The following STK11 variants were observed in gnomAD, a reference collection of about 807,000 sequenced individuals.
The protein encoded by STK11 is serine/threonine-protein kinase STK11.
STK11 carries 8 observed loss-of-function variants against 47.3 expected under a neutral mutation model. That is an observed-to-expected ratio of 0.17 (90% CI 0.10 to 0.31). The LOEUF is 0.31. Among genes scored for constraint, STK11 ranks in the 10% least tolerant of loss-of-function variants. The pLI, the probability that STK11 is intolerant of heterozygous loss-of-function variation, is 1.00. For synonymous variants in STK11, 330 were observed against 255.8 expected (o/e 1.29, Z -2.77); for missense variants, 475 against 605.0 (o/e 0.79, Z 2.25).
chr19:1,211,756 C>T (rs2080712273), intron 1 of STK11, among the ~76,000 whole-genome samples: 2 of 152,260 alleles, frequency 1.3e-5, no homozygotes, highest in South Asian at 4.1e-4. Context: ...CCATCCGCAC[C>T]GCCCCCGCGG....
At chr19:1,207,276 C>G (rs1010993057) in intron 1 of STK11, 73 bp downstream of exon 1, 3 of 1,505,364 alleles carry the variant, frequency 2.0e-6, no homozygotes, top group Non-Finnish European at 2.7e-6. Flanking sequence ...TTCCTTCCTT[C>G]TCTCCTCCCT....
intron 6 of STK11, 70 bp downstream of exon 6, chr19:1,221,410 G>A (rs1374821361): frequency 1.3e-6 from 2 of 1,496,394 alleles, no homozygotes; most frequent in South Asian, 2.6e-5. Flanking sequence ...TAGGGTTGGG[G>A]GTGTCAGGTG....
In STK11 at chr19:1,206,891, G is replaced by A. The variant is rs769292575; in HGVS notation, c.-23G>A. The stretch of plus-strand genomic sequence containing the variant: ...CCCGCGGACTCAGGGCTGGCGGCGG[G>A]ACTCCAGGACCCTGGGTCCAGCATG... On this transcript the variant is annotated 5_prime_UTR_variant, in exon 1 of 10. Transcript: ENST00000326873. 18 of 1,544,554 alleles carry A rather than the reference G, an allele frequency of 1.2e-5. No individual in the cohort carries two copies.
intron 1 of STK11, 70 bp from the exon 2 acceptor site, chr19:1,218,347 C>T (rs1003177266): frequency 3.5e-5 from 46 of 1,317,544 alleles, no homozygotes; most frequent in East Asian, 3.2e-4. Context: ...ATGGGGAGGC[C>T]GACTCCAGGG....
At position 1,222,006 on chromosome 19, in the gene STK11, G is replaced by T. The variant is rs1248289980; in HGVS notation, c.920G>T (p.Ser307Ile). 6.4e-7 allele frequency: 1 copy of T among 1,569,844 alleles called. No individual in the cohort carries two copies. The highest frequency in any genetic ancestry group is 1.2e-5 in the South Asian group (1 of 85,458). The change falls in exon 7 of 10, where the codon AGC (serine) becomes ATC (isoleucine). Residue 307 changes from serine to isoleucine, a missense_variant and splice_region_variant. Around this residue, in one of 5 missense-constraint regions of STK11, gnomAD observed 219 missense variants for 189.2 expected, o/e 1.16. Transcript: ENST00000326873. ...RFSIRQIRQH[S>I]WFRKKHPPAE... Reference sequence around the variant, plus strand: ...TCCATCCGGCAGATCCGGCAGCACAGGTGAGCGGCCCCTGGGGGCAGTGGG... The same window carrying T: ...TCCATCCGGCAGATCCGGCAGCACATGTGAGCGGCCCCTGGGGGCAGTGGG...
chr19:1,218,122 G>A (rs1413394452), intron 1 of STK11, among the ~76,000 whole-genome samples: 2 of 151,872 alleles, frequency 1.3e-5, no homozygotes, highest in African/African-American at 4.8e-5. Context: ...CCAGCCTAGG[G>A]ACAGAGCAAG....
At chr19:1,217,488 G>C (rs187796227) in intron 1 of STK11, among the ~76,000 whole-genome samples, 3 of 152,220 alleles carry the variant, frequency 2.0e-5, no homozygotes, top group African/African-American at 7.2e-5. Flanking sequence ...AAGTGTCTGC[G>C]ACAGGGCGGC....
chr19:1,213,126 A>G (rs2080723163), intron 1 of STK11, among the ~76,000 whole-genome samples: 1 of 149,134 alleles, frequency 6.7e-6, no homozygotes, highest in South Asian at 2.1e-4. Flanking sequence ...CCTCCCGAAT[A>G]GCTGGGACTA....
Position 1,206,940 on chromosome 19 carries a change from G to C in STK11, c.27G>C (p.Leu9=), listed in dbSNP as rs876659432. 4 of 1,599,882 alleles carry C rather than the reference G, an allele frequency of 2.5e-6. No individual in the cohort carries two copies. In the African/African-American group the frequency reaches 5.4e-5, roughly 21 times the overall value. Residue 9 remains leucine, a synonymous_variant, in exon 1 of 10, where the codon CTG becomes CTC. Transcript: ENST00000326873. The part of the protein sequence containing the change: MEVVDPQQ[L]GMFTEGELMS... ...TGGAGGTGGTGGACCCGCAGCAGCT[G>C]GGCATGTTCACGGAGGGCGAGCTGA...
At chr19:1,215,344 A>G (rs1267113231) in intron 1 of STK11, among the ~76,000 whole-genome samples, 4 of 152,222 alleles carry the variant, frequency 2.6e-5, no homozygotes, top group African/African-American at 7.2e-5. Flanking sequence ...CGAGCAGACC[A>G]GGCCTGCGGT....
In STK11 at chr19:1,207,214, C is replaced by T. The variant is rs1057520983; in HGVS notation, c.290+11C>T. ...GGCCAACGTGAAGAAGTAAGTATGG[C>T]TTGCTGGGGTCGGGGCCGGGCCGGG... On this transcript the variant is annotated intron_variant, in intron 1 of 9. Coordinates refer to ENST00000326873, the MANE Select transcript of STK11 (RefSeq NM_000455.5). 2.5e-6 allele frequency: 4 copies of T among 1,591,660 alleles called. No homozygotes were observed. Among genetic ancestry groups the T allele is most frequent in the Non-Finnish European group, 2.6e-6 (3 of 1,169,122 alleles).
At chr19:1,221,797 C>T (rs1240658457) in intron 6 of STK11, 152 bp from the exon 7 acceptor site, 7 of 812,658 alleles carry the variant, frequency 8.6e-6, no homozygotes, top group Non-Finnish European at 1.4e-5. Context: ...GTGGAGTGGC[C>T]TCTGTCAGGG....
At chr19:1,208,305 C>A (rs1030345432) in intron 1 of STK11, among the ~76,000 whole-genome samples, 18 of 134,008 alleles carry the variant, frequency 1.3e-4, no homozygotes, top group African/African-American at 4.0e-4. Context: ...GGCTCACGTA[C>A]ATTTTTTTTT....
At position 1,215,403 on chromosome 19, in the gene STK11, C is replaced by A. The variant is rs190096188; in HGVS notation, c.291-3014C>A. 3.8e-3 allele frequency among the ~76,000 whole-genome samples: 581 copies of A among 152,350 alleles called. 5 individuals are homozygous for A. Among genetic ancestry groups the A allele is most frequent in the African/African-American group, 0.014 (567 of 41,590 alleles). ...TTCAGGGCTGGGCAGCCCGACAGGG[C>A]ACCGGGCACAGCCAGGGGCCGGAAC... On this transcript the variant is annotated intron_variant, in intron 1 of 9. Coordinates refer to ENST00000326873, the MANE Select transcript of STK11 (RefSeq NM_000455.5).
In STK11 at chr19:1,214,362, G is replaced by A. The variant is rs952238734; in HGVS notation, c.291-4055G>A. On this transcript the variant is annotated intron_variant, in intron 1 of 9. Coordinates refer to ENST00000326873, the MANE Select transcript of STK11 (RefSeq NM_000455.5). Reference sequence around the variant, plus strand: ...CTTTTAATTAAACAGACAACCCAGTGTCCCTTGGTCTATGCTGACCTGCTC... The same window carrying A: ...CTTTTAATTAAACAGACAACCCAGTATCCCTTGGTCTATGCTGACCTGCTC... 4.6e-5 allele frequency among the ~76,000 whole-genome samples: 7 copies of A among 152,242 alleles called. No individual in the cohort carries two copies. The South Asian group carries it at 1.2e-3, about 27-fold the overall frequency.
chr19:1,224,209 G>A, intron 8 of STK11: 1 of 985,150 alleles, frequency 1.0e-6, no homozygotes, highest in Non-Finnish European at 1.2e-6. Context: ...TACAGTGTCT[G>A]GGGGCCCCCC....
chr19:1,223,560 G>C (rs1240241113), intron 8 of STK11: 1 of 1,084,184 alleles, frequency 9.2e-7, no homozygotes, highest in African/African-American at 1.6e-5. Flanking sequence ...TGGCATGAGA[G>C]AGGGTCCAGT....
chr19:1,226,985 G>A (rs981032406), intron 9 of STK11: 5 of 350,588 alleles, frequency 1.4e-5, no homozygotes, highest in Admixed American at 5.0e-5. Context: ...CCCCATGCCC[G>A]CGCCGCTTCC....
intron 1 of STK11, among the ~76,000 whole-genome samples, chr19:1,212,209 G>A (rs2080715891): frequency 6.6e-6 from 1 of 151,738 alleles, no homozygotes; most frequent in African/African-American, 2.4e-5. Context: ...TGAGGCGGCT[G>A]GACGGCCCGT....
Sources: gnomAD v4.1 joint callset for allele counts (sites outside exome capture counted in the v4.1 genomes callset) on GRCh38, gnomAD v4.1.1 for gene constraint, gnomAD v4.1.1 regional missense constraint, MANE v1.5 for transcripts, NCBI Gene and HGNC (gene_info 2026-07-23, HGNC 2026-07-21) for gene names.